SAMD3: variants seen among roughly 807,000 people sequenced by gnomAD.
SAMD3 encodes sterile alpha motif domain containing 3, also known as sterile alpha motif domain-containing protein 3.
SAMD3 carries 63 observed loss-of-function variants against 58.5 expected under a neutral mutation model. The observed-to-expected ratio is 1.08, with a 90% CI of 0.88 to 1.33. The LOEUF (loss-of-function observed/expected upper bound fraction) is 1.33. SAMD3 is among the 40% of genes most tolerant of loss of function. The pLI, the probability that SAMD3 is intolerant of heterozygous loss-of-function variation, is 0.00. For missense variants in SAMD3, 604 were observed against 608.4 expected (o/e 0.99, Z 0.08); for synonymous variants, 220 against 210.3 (o/e 1.05, Z -0.40).
chr6:130,293,218 T>C (rs1329789073), intron 2 of SAMD3, among the ~76,000 whole-genome samples: 1 of 152,214 alleles, frequency 6.6e-6, no homozygotes, highest in African/African-American at 2.4e-5. Flanking sequence ...TGGAAAGTAG[T>C]TCAAAATGAC....
At chr6:130,184,336 T>C (rs770812312) in intron 6 of SAMD3, 102 bp downstream of exon 6, 4 of 1,243,096 alleles carry the variant, frequency 3.2e-6, no homozygotes, top group Non-Finnish European at 4.5e-6. Flanking sequence ...CTATTACCAA[T>C]ATATCATCCA....
At chr6:130,203,577 A>G (rs139774772) in intron 5 of SAMD3, among the ~76,000 whole-genome samples, 3,097 of 152,296 alleles carry the variant, frequency 0.02, 102 homozygotes, top group African/African-American at 0.071. Context: ...ATGTCTTCCT[A>G]CAAGGCTCTT....
chr6:130,363,867 A>G (rs1343806485), intron 1 of SAMD3, among the ~76,000 whole-genome samples: 1 of 152,236 alleles, frequency 6.6e-6, no homozygotes, highest in Non-Finnish European at 1.5e-5. Context: ...GTTGACTTCT[A>G]TCCATTATTT....
intron 2 of SAMD3, among the ~76,000 whole-genome samples, chr6:130,263,505 C>T (rs537227186): frequency 5.3e-5 from 8 of 152,180 alleles, no homozygotes; most frequent in East Asian, 1.9e-4. Context: ...TCATCATGCC[C>T]GACTCAAGAA....
chr6:130,328,337 G>A (rs1776821545), intron 1 of SAMD3, among the ~76,000 whole-genome samples: 1 of 152,108 alleles, frequency 6.6e-6, no homozygotes, highest in Admixed American at 6.5e-5. Flanking sequence ...ACTTCCTGGT[G>A]GGCTAAACTC....
intron 2 of SAMD3, among the ~76,000 whole-genome samples, chr6:130,233,523 A>G (rs1796602281): frequency 6.6e-6 from 1 of 152,206 alleles, no homozygotes; most frequent in African/African-American, 2.4e-5. Context: ...TGAGGTCATC[A>G]AGGATCCCGA....
chr6:130,180,168 C>T (rs537449305), intron 7 of SAMD3, among the ~76,000 whole-genome samples: 1 of 151,422 alleles, frequency 6.6e-6, no homozygotes, highest in Admixed American at 6.6e-5. Flanking sequence ...TCATCCAGGC[C>T]GGAGTGCAGT....
chr6:130,293,547 A>C (rs1385720256), intron 2 of SAMD3, among the ~76,000 whole-genome samples: 1 of 151,724 alleles, frequency 6.6e-6, no homozygotes, highest in Non-Finnish European at 1.5e-5. Context: ...GATAGGTGAC[A>C]ATATCCTTAA....
At chr6:130,281,130 A>C (rs1035869415) in intron 2 of SAMD3, among the ~76,000 whole-genome samples, 1 of 151,520 alleles carries the variant, frequency 6.6e-6, no homozygotes, top group Non-Finnish European at 1.5e-5. Context: ...GTCTCTCTCT[A>C]TCTCTCTCTT....
intron 7 of SAMD3, among the ~76,000 whole-genome samples, chr6:130,178,666 C>T (rs1271829885): frequency 6.6e-6 from 1 of 152,214 alleles, no homozygotes; most frequent in Non-Finnish European, 1.5e-5. Flanking sequence ...GAATACATAT[C>T]AGCCAAGTAA....
chr6:130,337,013 G>T (rs1477304598), intron 1 of SAMD3, among the ~76,000 whole-genome samples: 1 of 152,172 alleles, frequency 6.6e-6, no homozygotes, highest in African/African-American at 2.4e-5. Flanking sequence ...AATGCAAATT[G>T]GGCAATGTTG....
At chr6:130,292,153 G>T (rs1775382006) in intron 2 of SAMD3, among the ~76,000 whole-genome samples, 1 of 152,090 alleles carries the variant, frequency 6.6e-6, no homozygotes, top group South Asian at 2.1e-4. Context: ...CAGTAAGTAG[G>T]CAGAGCCACT....
At chr6:130,258,788 G>T (rs9483100) in intron 2 of SAMD3, among the ~76,000 whole-genome samples, 64,042 of 151,874 alleles carry the variant, frequency 0.42, 15,843 homozygotes, top group African/African-American at 0.68. Flanking sequence ...TTAAATTAGG[G>T]ATTGTTGTGG....
intron 4 of SAMD3, among the ~76,000 whole-genome samples, chr6:130,210,578 G>A (rs573538627): frequency 9.5e-5 from 14 of 147,478 alleles, no homozygotes; most frequent in South Asian, 4.3e-4. Flanking sequence ...CAGCCTGGGC[G>A]ACAAGAGAGA....
At chr6:130,331,007 G>T (rs772498907) in intron 1 of SAMD3, among the ~76,000 whole-genome samples, 1 of 152,172 alleles carries the variant, frequency 6.6e-6, no homozygotes, top group Non-Finnish European at 1.5e-5. Context: ...ATATTTCTTA[G>T]AATATAAGCT....
At chr6:130,295,430 G>A (rs1291082545) in intron 2 of SAMD3, among the ~76,000 whole-genome samples, 1 of 152,136 alleles carries the variant, frequency 6.6e-6, no homozygotes. Context: ...TAGATAAATT[G>A]CATCCTAAAT....
upstream of SAMD3, chr6:130,365,521 G>T (rs373460526): frequency 2.5e-5 from 25 of 985,418 alleles, no homozygotes; most frequent in African/African-American, 4.4e-4. Flanking sequence ...CGTCCGAGGG[G>T]CGTGGAGCCA....
chr6:130,258,099 C>A (rs1019916313), intron 2 of SAMD3, among the ~76,000 whole-genome samples: 1 of 150,928 alleles, frequency 6.6e-6, no homozygotes, highest in African/African-American at 2.4e-5. Context: ...TTTTTACATT[C>A]TACTATAAAT....
intron 2 of SAMD3, among the ~76,000 whole-genome samples, chr6:130,266,022 C>T (rs556017154): frequency 6.6e-6 from 1 of 152,278 alleles, no homozygotes; most frequent in East Asian, 1.9e-4. Flanking sequence ...GTGGCCCTTC[C>T]TGTACCAGTG....
Sources: allele counts gnomAD v4.1 joint callset (sites outside exome capture counted in the v4.1 genomes callset), GRCh38; gene constraint gnomAD v4.1.1; transcripts MANE v1.5; gene names NCBI Gene and HGNC (gene_info 2026-07-23, HGNC 2026-07-21).